Variants in TEN1 observed in about 807,000 individuals in gnomAD.
The protein encoded by TEN1 is CST complex subunit TEN1.
TEN1 carries 6 observed loss-of-function variants against 9.3 expected under a neutral mutation model. The ratio of observed to expected loss-of-function variants is 0.65; its 90% CI spans 0.35 to 1.27. The LOEUF is 1.27. Among genes scored for constraint, TEN1 ranks in the 50% most tolerant of loss-of-function variants. The pLI is 0.03. For missense variants in TEN1, 149 were observed against 158.2 expected, an observed-to-expected ratio of 0.94 and a Z score of 0.31; for synonymous variants, 65 against 65.6, an observed-to-expected ratio of 0.99 and a Z score of 0.04.
At chr17:75,991,690 C>A in intron 3 of TEN1, 67 bp downstream of exon 3, 1 of 1,505,276 alleles carries the variant, frequency 6.6e-7, no homozygotes, top group Non-Finnish European at 8.9e-7. Context: ...TCGGGGCAGT[C>A]AGTGAGAAAT....
At chr17:75,982,964 G>T (rs1378793419) in intron 1 of TEN1, among the ~76,000 whole-genome samples, 1 of 135,060 alleles carries the variant, frequency 7.4e-6, no homozygotes, top group East Asian at 2.6e-4. Flanking sequence ...GCCCGCCTTG[G>T]CTCAAAAAAA....
In TEN1 at chr17:75,986,294, G is replaced by A. The variant is rs1251489101; in HGVS notation, c.92+10G>A. 6.5e-7 allele frequency: 1 copy of A among 1,541,704 alleles called. No individual in the cohort carries two copies. Among genetic ancestry groups the A allele is most frequent in the African/African-American group, 1.4e-5 (1 of 72,528 alleles). ...TGAGAACATTTGGCAGGTGAGAACGGTTATTTTTTTCACTGGTGGGGGTGA... is the reference window on the plus strand; with the variant it reads ...TGAGAACATTTGGCAGGTGAGAACGATTATTTTTTTCACTGGTGGGGGTGA... On this transcript the variant is annotated intron_variant, in intron 2 of 3. Coordinates refer to ENST00000397640, the MANE Select transcript of TEN1 (RefSeq NM_001113324.3).
At chr17:75,988,961 C>T (rs1008090198) in intron 2 of TEN1, among the ~76,000 whole-genome samples, 3 of 151,206 alleles carry the variant, frequency 2.0e-5, no homozygotes, top group Admixed American at 1.3e-4. Context: ...TTAGTAGAAA[C>T]GGTGTTTCAC....
At position 75,999,366 on chromosome 17, in the gene TEN1, G is replaced by A. The variant is rs770290323; in HGVS notation, c.251-775G>A. The stretch of plus-strand genomic sequence containing the variant: ...AAAAAAAAAATTTTTTTTTTTAGGT[G>A]GAGTCTTGCTCTGTTGCCCAGGCTG... On this transcript the variant is annotated intron_variant, in intron 3 of 3. Transcript: ENST00000397640. 1.0e-3 allele frequency among the ~76,000 whole-genome samples: 157 copies of A among 151,592 alleles called. No individual in the cohort carries two copies. In the Middle Eastern group the frequency reaches 0.024, roughly 23 times the overall value.
intron 3 of TEN1, among the ~76,000 whole-genome samples, chr17:75,997,746 A>G: frequency 6.6e-6 from 1 of 151,880 alleles, no homozygotes; most frequent in Admixed American, 6.6e-5. Context: ...AACCTCCTAA[A>G]AGAACATCTG....
At chr17:75,988,711 C>A (rs2066167446) in intron 2 of TEN1, among the ~76,000 whole-genome samples, 1 of 151,632 alleles carries the variant, frequency 6.6e-6, no homozygotes, top group Non-Finnish European at 1.5e-5. Context: ...AGATCTATAT[C>A]ATCATTTTGA....
chr17:75,983,552 T>G (rs2066135388), intron 1 of TEN1, among the ~76,000 whole-genome samples: 2 of 152,204 alleles, frequency 1.3e-5, no homozygotes, highest in Admixed American at 1.3e-4. Flanking sequence ...AACCACCTGA[T>G]GGGTTCCCAC....
Position 75,987,873 on chromosome 17 carries a change from C to T in TEN1, c.92+1589C>T, listed in dbSNP as rs373759975. On this transcript the variant is annotated intron_variant, in intron 2 of 3. Transcript: ENST00000397640. ...TGGAGGTTGCAGTGAGCTGAGATTG[C>T]GCCACTGCACTCCAGCCTGGGGGAC... 2.6e-4 allele frequency among the ~76,000 whole-genome samples: 34 copies of T among 128,888 alleles called. No homozygotes were observed. In the East Asian group the frequency reaches 3.8e-3, roughly 14 times the overall value. The allele number at this position is 128,888 out of a possible 152,430, so 84.6% of individuals were successfully genotyped here.
chr17:75,986,860 C>G (rs908169843), intron 2 of TEN1, among the ~76,000 whole-genome samples: 1 of 152,032 alleles, frequency 6.6e-6, no homozygotes, highest in Admixed American at 6.6e-5. Context: ...TGATTATCCT[C>G]GTGCTTTTCC....
At chr17:75,996,925 G>A (rs1249717300) in intron 3 of TEN1, among the ~76,000 whole-genome samples, 1 of 151,856 alleles carries the variant, frequency 6.6e-6, no homozygotes, top group Non-Finnish European at 1.5e-5. Context: ...CCGGCTCCTC[G>A]GGTGTGTCAG....
chr17:75,998,169 CTTTT>C (rs1555622204), intron 3 of TEN1, among the ~76,000 whole-genome samples: 2 of 135,720 alleles, frequency 1.5e-5, no homozygotes, highest in Admixed American at 7.4e-5. Flanking sequence ...TTTTTTTTTC[CTTTT>C]TTTTTTTTTT....
Position 75,996,722 on chromosome 17 carries a change from A to AAGAG in TEN1, c.251-3411_251-3408dup, listed in dbSNP as rs1555622100. On this transcript the variant is annotated intron_variant, in intron 3 of 3. Coordinates refer to ENST00000397640, the MANE Select transcript of TEN1 (RefSeq NM_001113324.3). ...AGACCCTGTCAAAAAAAAAAAAAAA[A>AAGAG]AGAGAGAGAGAAAGAAAGAAAAAGA... 6.9e-3 allele frequency among the ~76,000 whole-genome samples: 971 copies of AAGAG among 141,244 alleles called. 10 individuals are homozygous for AAGAG. Among genetic ancestry groups the AAGAG allele is most frequent in the African/African-American group, 0.022 (717 of 32,978 alleles). 92.7% of individuals were successfully genotyped at this position (141,244 alleles called of 152,430 possible). A position where few individuals can be genotyped will look rare whatever the true frequency, so the allele number is the denominator to read the frequency against.
At chr17:75,993,967 CCAG>C (rs2144359386) in intron 3 of TEN1, among the ~76,000 whole-genome samples, 1 of 151,696 alleles carries the variant, frequency 6.6e-6, no homozygotes, top group South Asian at 2.1e-4. Context: ...CCACTGCACT[CCAG>C]CCTGGCAGAG....
At chr17:75,991,042 C>T (rs184028046) in intron 2 of TEN1, among the ~76,000 whole-genome samples, 198 of 145,880 alleles carry the variant, frequency 1.4e-3, no homozygotes, top group African/African-American at 4.6e-3. Context: ...CCCAGCTACT[C>T]GGGAGGCTGA....
At chr17:75,985,190 G>A (rs534585220) in intron 1 of TEN1, among the ~76,000 whole-genome samples, 4 of 152,038 alleles carry the variant, frequency 2.6e-5, no homozygotes, top group Non-Finnish European at 2.9e-5. Flanking sequence ...CTCTATTGCC[G>A]AGGCTACAGT....
At chr17:75,985,602 G>A (rs1185501837) in intron 1 of TEN1, among the ~76,000 whole-genome samples, 2 of 151,986 alleles carry the variant, frequency 1.3e-5, no homozygotes, top group Non-Finnish European at 2.9e-5. Context: ...TTGGCTCACT[G>A]AAACTTCCAC....
At chr17:75,980,172 A>G (rs2066106591) in intron 1 of TEN1, among the ~76,000 whole-genome samples, 2 of 152,022 alleles carry the variant, frequency 1.3e-5, no homozygotes, top group Non-Finnish European at 2.9e-5. Context: ...CCCCATCCCT[A>G]CAAAAAATAC....
intron 3 of TEN1, among the ~76,000 whole-genome samples, chr17:75,998,744 G>A (rs2066233080): frequency 1.3e-5 from 2 of 152,162 alleles, no homozygotes; most frequent in African/African-American, 4.8e-5. Flanking sequence ...AGGCTGGAGT[G>A]CAGTGGCTTG....
Position 75,979,331 on chromosome 17 carries a change from C to T in TEN1, c.-187C>T. ...TCGCGGGGCAGACTAATCCCCTGCT[C>T]CTGGCCAGGGGAGGCTCCCGAGCGG... On this transcript the variant is annotated 5_prime_UTR_variant, in exon 1 of 4. Transcript: ENST00000397640. 1 of 587,850 alleles carries T rather than the reference C, an allele frequency of 1.7e-6. No homozygotes were observed. Among genetic ancestry groups the T allele is most frequent in the Middle Eastern group, 4.7e-4 (1 of 2,142 alleles). The allele number at this position is 587,850 out of a possible 1,614,324, so 36.4% of individuals were successfully genotyped here.
Sources: gnomAD v4.1 joint callset for allele counts (sites outside exome capture counted in the v4.1 genomes callset) on GRCh38, gnomAD v4.1.1 for gene constraint, MANE v1.5 for transcripts, NCBI Gene and HGNC (gene_info 2026-07-23, HGNC 2026-07-21) for gene names.